DNAH11: variants seen among roughly 807,000 people sequenced by gnomAD.
DNAH11 encodes dynein axonemal heavy chain 11.
A neutral mutation model predicts 526.0 loss-of-function variants in DNAH11; 442 were observed. That is an observed-to-expected ratio of 0.84 (90% CI 0.78 to 0.91). The LOEUF (loss-of-function observed/expected upper bound fraction) is 0.91, where lower values mean the gene tolerates loss of function less well. DNAH11 is among the 40% of genes least tolerant of loss of function. DNAH11 has a pLI of 0.00. For missense variants in DNAH11, 6,989 were observed against 5,448.7 expected, an observed-to-expected ratio of 1.28 and a Z score of -8.90; for synonymous variants, 2,461 against 1,935.9, an observed-to-expected ratio of 1.27 and a Z score of -7.12.
chr7:21,869,504 A>T (rs916571782), intron 73 of DNAH11, among the ~76,000 whole-genome samples: 1 of 152,152 alleles, frequency 6.6e-6, no homozygotes, highest in African/African-American at 2.4e-5. Context: ...AAGAAAAAAA[A>T]AAGTCTCAGC....
At chr7:21,844,563 T>C (rs980408912) in intron 66 of DNAH11, among the ~76,000 whole-genome samples, 1 of 152,226 alleles carries the variant, frequency 6.6e-6, no homozygotes, top group African/African-American at 2.4e-5. Context: ...GTATTTATTA[T>C]CTGGCCCTTT....
At chr7:21,587,927 T>C (rs1334278393) in intron 9 of DNAH11, 137 bp from the exon 10 acceptor site, 3 of 739,254 alleles carry the variant, frequency 4.1e-6, no homozygotes, top group African/African-American at 3.6e-5. Flanking sequence ...AAATACATTT[T>C]ACATTTTGAA....
chr7:21,728,237 C>CTTTTTTTTT (rs71026816), intron 45 of DNAH11, among the ~76,000 whole-genome samples: 2 of 58,870 alleles, frequency 3.4e-5, no homozygotes, highest in African/African-American at 1.5e-4. Context: ...GCCCACAATT[C>CTTTTTTTTT]TTTTTTTTTT....
intron 68 of DNAH11, among the ~76,000 whole-genome samples, chr7:21,859,523 C>T (rs1782976387): frequency 6.6e-6 from 1 of 152,150 alleles, no homozygotes; most frequent in Admixed American, 6.5e-5. Context: ...CTTCTGGCCC[C>T]AAGCATTTCA....
intron 56 of DNAH11, among the ~76,000 whole-genome samples, chr7:21,777,154 T>C (rs1273507780): frequency 6.6e-6 from 1 of 152,178 alleles, no homozygotes; most frequent in Non-Finnish European, 1.5e-5. Context: ...TTCTATAGTT[T>C]TGTCATTTCA....
chr7:21,632,092 T>A (rs559657086), intron 25 of DNAH11, among the ~76,000 whole-genome samples: 3 of 152,348 alleles, frequency 2.0e-5, no homozygotes, highest in Non-Finnish European at 2.9e-5. Context: ...CTGCCAATGC[T>A]TGAGGTTTGC....
chr7:21,708,604 C>T (rs1244903419), intron 40 of DNAH11, among the ~76,000 whole-genome samples: 1 of 152,146 alleles, frequency 6.6e-6, no homozygotes, highest in Non-Finnish European at 1.5e-5. Context: ...TGGCTTATAA[C>T]GCTCTATGGG....
chr7:21,731,242 T>C (rs1489833305), intron 45 of DNAH11, among the ~76,000 whole-genome samples: 2 of 152,150 alleles, frequency 1.3e-5, no homozygotes, highest in African/African-American at 4.8e-5. Flanking sequence ...TTATACACAA[T>C]AAATACATAC....
At chr7:21,549,295 C>G (rs1005309438) in intron 2 of DNAH11, among the ~76,000 whole-genome samples, 25 of 152,150 alleles carry the variant, frequency 1.6e-4, no homozygotes, top group Admixed American at 1.0e-3. Context: ...ACCACCTGTG[C>G]CTGAAGTTGT....
intron 68 of DNAH11, among the ~76,000 whole-genome samples, chr7:21,860,102 G>A (rs766525460): frequency 2.6e-5 from 4 of 152,136 alleles, no homozygotes; most frequent in Non-Finnish European, 5.9e-5. Context: ...AGGACCGGGA[G>A]GTTGAGGCTG....
At chr7:21,840,548 C>T (rs911020707) in intron 65 of DNAH11, among the ~76,000 whole-genome samples, 8 of 152,120 alleles carry the variant, frequency 5.3e-5, no homozygotes, top group Non-Finnish European at 1.2e-4. Context: ...GCTTAGGCCG[C>T]TTTGAGAAGT....
chr7:21,675,160 T>C (rs572714595), intron 30 of DNAH11, among the ~76,000 whole-genome samples: 1 of 152,214 alleles, frequency 6.6e-6, no homozygotes, highest in African/African-American at 2.4e-5. Flanking sequence ...TCACCCCACT[T>C]TCTAGACCTT....
chr7:21,842,492 T>C (rs1782244299), intron 65 of DNAH11, 52 bp from the exon 66 acceptor site: 2 of 1,432,472 alleles, frequency 1.4e-6, no homozygotes, highest in Admixed American at 3.7e-5. Context: ...CACCGTAGTA[T>C]CAGTTATGGG....
Position 21,861,919 on chromosome 7 carries a change from A to G in DNAH11, c.11269A>G (p.Ile3757Val), listed in dbSNP as rs926828116. The G allele has an allele frequency of 1.9e-6, 3 of 1,613,464 alleles. No individual in the cohort carries two copies. The highest frequency in any genetic ancestry group is 1.7e-5 in the Admixed American group (1 of 59,946). ...CAAGGTGGAAGACATGCAGGGACGC[A>G]TCTCTATCCTGATGGAGAGCATCAC... The part of the protein sequence containing the change: ...ADKVEDMQGR[I>V]SILMESITHA... Residue 3757 changes from isoleucine to valine, a missense_variant, in exon 69 of 82, where the codon ATC (isoleucine) becomes GTC (valine). Transcript: ENST00000409508.
intron 66 of DNAH11, among the ~76,000 whole-genome samples, chr7:21,846,143 A>G (rs1024858488): frequency 2.0e-5 from 3 of 152,100 alleles, no homozygotes; most frequent in Non-Finnish European, 4.4e-5. Context: ...ATACTTTGGG[A>G]TTTTCCACAT....
intron 45 of DNAH11, among the ~76,000 whole-genome samples, chr7:21,732,080 A>G (rs1322290008): frequency 6.6e-6 from 1 of 152,184 alleles, no homozygotes; most frequent in Non-Finnish European, 1.5e-5. Context: ...GCCCAGGTTA[A>G]AGGAGGACAA....
chr7:21,865,057 G>C (rs911346334), intron 70 of DNAH11, among the ~76,000 whole-genome samples: 1 of 152,108 alleles, frequency 6.6e-6, no homozygotes, highest in Non-Finnish European at 1.5e-5. Flanking sequence ...TTACACCACA[G>C]TGGAGTCGTT....
At chr7:21,799,341 T>A (rs958725944) in intron 61 of DNAH11, among the ~76,000 whole-genome samples, 1 of 152,092 alleles carries the variant, frequency 6.6e-6, no homozygotes, top group Non-Finnish European at 1.5e-5. Flanking sequence ...CAATCTTATT[T>A]CTTTTTTTTT....
chr7:21,767,381 C>T (rs1047048538), intron 55 of DNAH11, among the ~76,000 whole-genome samples: 2 of 152,104 alleles, frequency 1.3e-5, no homozygotes, highest in South Asian at 2.1e-4. Context: ...CTTTGCTACT[C>T]TGTGCAGGCT....
Sources: gnomAD v4.1 joint callset for allele counts (sites outside exome capture counted in the v4.1 genomes callset) on GRCh38, gnomAD v4.1.1 for gene constraint, MANE v1.5 for transcripts, NCBI Gene and HGNC (gene_info 2026-07-23, HGNC 2026-07-21) for gene names.